WDR25: variants seen among roughly 807,000 people sequenced by gnomAD.
WDR25 encodes the protein WD repeat-containing protein 25.
WDR25 carries 35 observed loss-of-function variants against 47.7 expected under a neutral mutation model. The observed-to-expected ratio is 0.73, with a 90% CI of 0.56 to 0.97. WDR25 has a LOEUF of 0.97. WDR25 is among the 50% of genes least tolerant of loss of function. The probability of loss-of-function intolerance (pLI) is 0.00; values close to 1 mark genes in which losing one functional copy is unlikely to be tolerated. For synonymous variants in WDR25, 248 were observed against 278.9 expected (o/e 0.89, Z 1.10); for missense variants, 634 against 704.7 (o/e 0.90, Z 1.14).
Position 100,429,303 on chromosome 14 carries a change from G to A in WDR25, c.823-38718G>A, listed in dbSNP as rs188613373. ...AGCCTGCCGTGGGGAGGTGGGCTGT[G>A]TGTGCTCCCATCCCTATGAGGCTAA... On this transcript the variant is annotated intron_variant, in intron 2 of 6. Coordinates refer to ENST00000402312, the MANE Select transcript of WDR25 (RefSeq NM_001161476.3). Among the ~76,000 whole-genome samples the A allele has an allele frequency of 2.6e-3, 394 of 152,320 alleles. 1 individual carries two copies. The highest frequency in any genetic ancestry group is 0.012 in the South Asian group (57 of 4,828).
At chr14:100,391,382 G>A (rs1000676444) in intron 2 of WDR25, among the ~76,000 whole-genome samples, 3 of 152,138 alleles carry the variant, frequency 2.0e-5, no homozygotes, top group African/African-American at 2.4e-5. Flanking sequence ...GCAGCGCCGC[G>A]GTCCCCGGCA....
At position 100,498,501 on chromosome 14, in the gene WDR25, C is replaced by T. The variant is rs1403156760; in HGVS notation, c.1101+14377C>T. 1.3e-5 allele frequency among the ~76,000 whole-genome samples: 2 copies of T among 152,118 alleles called. No individual in the cohort carries two copies. Among genetic ancestry groups the T allele is most frequent in the Non-Finnish European group, 2.9e-5 (2 of 68,034 alleles). On this transcript the variant is annotated intron_variant, in intron 4 of 6. Coordinates refer to ENST00000402312, the MANE Select transcript of WDR25 (RefSeq NM_001161476.3). The surrounding 1 kb of genome is among the most constrained non-coding windows in gnomAD (Gnocchi z 4.2). ...TCACCTCACTCATTTGCTCATTGAACACTGCGGAGCACCTGCTGTTTATAG... is the reference window on the plus strand; with the variant it reads ...TCACCTCACTCATTTGCTCATTGAATACTGCGGAGCACCTGCTGTTTATAG...
rs1375047629 is a variant in WDR25, at chr14:100,525,728, G to A, written c.1102-142G>A. 7.5e-6 allele frequency: 7 copies of A among 928,262 alleles called. No individual in the cohort carries two copies. The East Asian group carries it at 1.9e-4, about 25-fold the overall frequency. The allele number at this position is 928,262 out of a possible 1,614,324, so 57.5% of individuals were successfully genotyped here. On this transcript the variant is annotated intron_variant, in intron 4 of 6. Transcript: ENST00000402312. This position sits in a 1 kb window ranked among gnomAD's most constrained non-coding sequence, Gnocchi z 4.6. ...GGGTCCATGATTCCATATATGGCTT[G>A]TGGGTGCTGCTCAGCCTGGGTGTGT...
chr14:100,482,637 T>C (rs901819029), intron 3 of WDR25, among the ~76,000 whole-genome samples: 2 of 152,104 alleles, frequency 1.3e-5, no homozygotes, highest in Non-Finnish European at 2.9e-5. Flanking sequence ...CATGTGACTG[T>C]CATGAGTACT....
intron 4 of WDR25, among the ~76,000 whole-genome samples, chr14:100,496,657 TTATAA>T (rs1219703167): frequency 6.6e-6 from 1 of 152,092 alleles, no homozygotes; most frequent in African/African-American, 2.4e-5. Flanking sequence ...CAAATTTTAG[TTATAA>T]TATACTGGCT....
intron 2 of WDR25, among the ~76,000 whole-genome samples, chr14:100,412,229 G>T (rs1897731599): frequency 6.6e-6 from 1 of 150,700 alleles, no homozygotes; most frequent in African/African-American, 2.4e-5. Flanking sequence ...AAAAAAAAAG[G>T]TAAACTATCC....
intron 3 of WDR25, among the ~76,000 whole-genome samples, chr14:100,476,973 G>A (rs1332569946): frequency 6.6e-6 from 1 of 152,186 alleles, no homozygotes; most frequent in Non-Finnish European, 1.5e-5. Flanking sequence ...AATGGAAGAG[G>A]AAGGCCCTCA....
At chr14:100,402,111 A>G (rs1220328323) in intron 2 of WDR25, among the ~76,000 whole-genome samples, 1 of 152,228 alleles carries the variant, frequency 6.6e-6, no homozygotes, top group Non-Finnish European at 1.5e-5. Flanking sequence ...ATGCTCCTGG[A>G]ACAGATCTTG....
intron 2 of WDR25, among the ~76,000 whole-genome samples, chr14:100,396,876 C>T (rs1897271766): frequency 6.6e-6 from 1 of 152,228 alleles, no homozygotes; most frequent in African/African-American, 2.4e-5. Context: ...TCTCACAGAC[C>T]TGTTGTGAGG....
chr14:100,440,038 T>C lies in WDR25; in HGVS notation c.823-27983T>C, dbSNP rs181735267. On this transcript the variant is annotated intron_variant, in intron 2 of 6. Transcript: ENST00000402312. This position sits in a 1 kb window ranked among gnomAD's most constrained non-coding sequence, Gnocchi z 4.4. The stretch of plus-strand genomic sequence containing the variant: ...AGGATCCATTGTTAAGAAACAAACA[T>C]GGGAAACTGTCATGTGAGCGTCCCT... Among the ~76,000 whole-genome samples, 1 of 152,318 alleles carries C rather than the reference T, an allele frequency of 6.6e-6. No individual in the cohort carries two copies. Among genetic ancestry groups the C allele is most frequent in the Non-Finnish European group, 1.5e-5 (1 of 68,018 alleles).
chr14:100,399,713 G>T (rs967505905), intron 2 of WDR25, among the ~76,000 whole-genome samples: 2 of 152,118 alleles, frequency 1.3e-5, no homozygotes, highest in African/African-American at 4.8e-5. Flanking sequence ...CCTGGCCTGT[G>T]GCCTCTGGAG....
chr14:100,502,044 G>C lies in WDR25; in HGVS notation c.1101+17920G>C, dbSNP rs74081516. Among the ~76,000 whole-genome samples, 3 of 152,100 alleles carry C rather than the reference G, an allele frequency of 2.0e-5. No individual in the cohort carries two copies. Among genetic ancestry groups the C allele is most frequent in the Non-Finnish European group, 4.4e-5 (3 of 68,014 alleles). On this transcript the variant is annotated intron_variant, in intron 4 of 6. Coordinates refer to ENST00000402312, the MANE Select transcript of WDR25 (RefSeq NM_001161476.3). This position sits in a 1 kb window ranked among gnomAD's most constrained non-coding sequence, Gnocchi z 4.5. ...TGGATCCTATTCCCCATCCCTCCCCGGGTCCCGTGACCTGTCCCCAGACAG... is the reference window on the plus strand; with the variant it reads ...TGGATCCTATTCCCCATCCCTCCCCCGGTCCCGTGACCTGTCCCCAGACAG...
Position 100,468,012 on chromosome 14 carries a change from T to A in WDR25, c.823-9T>A. 1.2e-6 allele frequency: 2 copies of A among 1,612,350 alleles called. No homozygotes were observed. Among genetic ancestry groups the A allele is most frequent in the Non-Finnish European group, 1.7e-6 (2 of 1,180,008 alleles). On this transcript the variant is annotated splice_polypyrimidine_tract_variant and intron_variant, in intron 2 of 6. Transcript: ENST00000402312. This position sits in a 1 kb window ranked among gnomAD's most constrained non-coding sequence, Gnocchi z 4.5. ...TGTGACACCTGGTGCTGTCTGTGTT[T>A]GCCTGCAGGTATGGAACGCCGTGGA...
chr14:100,491,392 CATA>C (rs892368785), intron 4 of WDR25, among the ~76,000 whole-genome samples: 4 of 152,222 alleles, frequency 2.6e-5, no homozygotes, highest in Admixed American at 2.6e-4. Context: ...TCATGCACCA[CATA>C]ATGACGTTTC....
intron 2 of WDR25, among the ~76,000 whole-genome samples, chr14:100,435,273 G>C (rs971284809): frequency 6.6e-6 from 1 of 152,194 alleles, no homozygotes; most frequent in Non-Finnish European, 1.5e-5. Context: ...TTGCATGCCT[G>C]AGATGCCAAG....
chr14:100,416,585 C>CT (rs1465433900), intron 2 of WDR25, among the ~76,000 whole-genome samples: 1 of 152,136 alleles, frequency 6.6e-6, no homozygotes, highest in African/African-American at 2.4e-5. Flanking sequence ...CAAAGTCTTC[C>CT]TTATCCCCCT....
chr14:100,520,848 G>A (rs950741418), intron 4 of WDR25, among the ~76,000 whole-genome samples: 4 of 152,198 alleles, frequency 2.6e-5, no homozygotes, highest in East Asian at 1.9e-4. Context: ...TACTTTACAG[G>A]TATGGAGACT....
At chr14:100,511,701 A>G (rs1901317326) in intron 4 of WDR25, among the ~76,000 whole-genome samples, 1 of 152,178 alleles carries the variant, frequency 6.6e-6, no homozygotes, top group Non-Finnish European at 1.5e-5. Flanking sequence ...ATAGAGGGAA[A>G]GTATTCTCTT....
intron 3 of WDR25, among the ~76,000 whole-genome samples, chr14:100,479,963 G>A (rs970856481): frequency 5.9e-5 from 9 of 152,106 alleles, no homozygotes; most frequent in Non-Finnish European, 1.2e-4. Context: ...GTTTCATCCC[G>A]AAAGCACCCC....
Sources: allele counts gnomAD v4.1 joint callset (sites outside exome capture counted in the v4.1 genomes callset), GRCh38; gene constraint gnomAD v4.1.1; non-coding constraint Gnocchi (gnomAD v3.1); transcripts MANE v1.5; gene names NCBI Gene and HGNC (gene_info 2026-07-23, HGNC 2026-07-21).